BAZ2B: variants seen among roughly 807,000 people sequenced by gnomAD.
BAZ2B encodes the protein bromodomain adjacent to zinc finger domain 2B, also known as bromodomain adjacent to zinc finger domain protein 2B.
Under a neutral mutation model 246.0 loss-of-function variants are expected in BAZ2B, and 91 were observed. The ratio of observed to expected loss-of-function variants is 0.37; its 90% CI spans 0.31 to 0.44. BAZ2B has a LOEUF of 0.44. Among genes scored for constraint, BAZ2B ranks in the 20% least tolerant of loss-of-function variants. BAZ2B has a pLI of 1.00. For missense variants in BAZ2B, 2,332 were observed against 2,533.7 expected, an observed-to-expected ratio of 0.92 and a Z score of 1.71; for synonymous variants, 855 against 860.0, an observed-to-expected ratio of 0.99 and a Z score of 0.10.
intron 34 of BAZ2B, among the ~76,000 whole-genome samples, chr2:159,328,228 T>G (rs77731196): frequency 0.044 from 6,738 of 152,228 alleles, 287 homozygotes; most frequent in East Asian, 0.13. Flanking sequence ...CAAGTTACTC[T>G]GTTACCTGAT....
At chr2:159,567,446 A>C (rs1311438538) in intron 1 of BAZ2B, among the ~76,000 whole-genome samples, 8 of 152,302 alleles carry the variant, frequency 5.3e-5, no homozygotes, top group Non-Finnish European at 1.5e-5. Flanking sequence ...CTGAGACCTA[A>C]GGTAAATCAT....
chr2:159,570,176 T>G (rs1683613258), intron 1 of BAZ2B, among the ~76,000 whole-genome samples: 1 of 101,748 alleles, frequency 9.8e-6, no homozygotes, highest in African/African-American at 4.5e-5. Flanking sequence ...ATTAAAGTTT[T>G]TTTTTGTTTT....
the BAZ2B span, among the ~76,000 whole-genome samples, chr2:159,679,149 G>A: frequency 6.6e-6 from 1 of 151,746 alleles, no homozygotes; most frequent in African/African-American, 2.4e-5. Context: ...GCGGGCGCCT[G>A]TAGTCCCAGC....
the BAZ2B span, among the ~76,000 whole-genome samples, chr2:159,687,707 C>A: frequency 6.6e-6 from 1 of 152,146 alleles, no homozygotes; most frequent in African/African-American, 2.4e-5. Flanking sequence ...TATAATAAAT[C>A]GTTGAACATG....
At chr2:159,573,435 G>C (rs528489487) in intron 1 of BAZ2B, among the ~76,000 whole-genome samples, 1 of 152,118 alleles carries the variant, frequency 6.6e-6, no homozygotes, top group Non-Finnish European at 1.5e-5. Flanking sequence ...TTCAACAAAA[G>C]GTGCTGGAAC....
At chr2:159,434,115 C>G (rs911150885) in intron 8 of BAZ2B, 3 of 151,924 alleles carry the variant, frequency 2.0e-5, no homozygotes, top group African/African-American at 7.3e-5. Flanking sequence ...GTATAGCATT[C>G]GCTCCATTGT....
chr2:159,501,163 T>C (rs1559628995), intron 2 of BAZ2B, among the ~76,000 whole-genome samples: 2 of 105,946 alleles, frequency 1.9e-5, no homozygotes, highest in East Asian at 4.8e-4. Context: ...TATATAAATA[T>C]ATAATATATA....
At chr2:159,367,011 G>C (rs1465802114) in intron 27 of BAZ2B, among the ~76,000 whole-genome samples, 4 of 152,090 alleles carry the variant, frequency 2.6e-5, no homozygotes, top group Admixed American at 2.6e-4. Flanking sequence ...CAGCAAACCT[G>C]CTTAGCCACC....
intron 3 of BAZ2B, chr2:159,461,189 T>A (rs73967879): frequency 0.079 from 12,026 of 152,358 alleles, 655 homozygotes; most frequent in Middle Eastern, 0.16. Flanking sequence ...GTTTTTTTTT[T>A]AAACTGACCT....
At chr2:159,384,007 A>G (rs1010118776) in intron 23 of BAZ2B, among the ~76,000 whole-genome samples, 1 of 152,060 alleles carries the variant, frequency 6.6e-6, no homozygotes, top group Non-Finnish European at 1.5e-5. Context: ...TTAAGATGTG[A>G]TAATTTCCAA....
chr2:159,411,315 A>G (rs999786435), intron 14 of BAZ2B, among the ~76,000 whole-genome samples: 2 of 152,238 alleles, frequency 1.3e-5, no homozygotes, highest in African/African-American at 4.8e-5. Flanking sequence ...TCTTTAAAGC[A>G]TTCTATTCTA....
intron 2 of BAZ2B, among the ~76,000 whole-genome samples, chr2:159,536,541 T>C (rs2086015434): frequency 6.6e-6 from 1 of 152,216 alleles, no homozygotes; most frequent in Non-Finnish European, 1.5e-5. Flanking sequence ...GTTCAATCCC[T>C]GTGTCACACG....
At chr2:159,472,697 G>A (rs1259166530) in intron 3 of BAZ2B, among the ~76,000 whole-genome samples, 2 of 152,126 alleles carry the variant, frequency 1.3e-5, no homozygotes, top group Non-Finnish European at 2.9e-5. Flanking sequence ...AGCATGAAGG[G>A]GTGTTGAATA....
At chr2:159,450,541 A>C (rs1404732353) in intron 4 of BAZ2B, among the ~76,000 whole-genome samples, 1 of 152,182 alleles carries the variant, frequency 6.6e-6, no homozygotes, top group Admixed American at 6.5e-5. Context: ...AACTTTACAA[A>C]TGTCTGATAC....
chr2:159,697,476 G>A, the BAZ2B span, among the ~76,000 whole-genome samples: 1 of 152,062 alleles, frequency 6.6e-6, no homozygotes, highest in East Asian at 1.9e-4. Flanking sequence ...TAATGTAAAA[G>A]TCTTTTATGC....
chr2:159,490,241 A>T (rs1288424068), intron 2 of BAZ2B, among the ~76,000 whole-genome samples: 1 of 152,214 alleles, frequency 6.6e-6, no homozygotes, highest in Non-Finnish European at 1.5e-5. Context: ...AAATATATAG[A>T]TGAAACATGT....
At chr2:159,411,482 T>C (rs960050507) in intron 14 of BAZ2B, among the ~76,000 whole-genome samples, 1 of 152,194 alleles carries the variant, frequency 6.6e-6, no homozygotes, top group Non-Finnish European at 1.5e-5. Context: ...CCATGAGAAG[T>C]AGTAAAATTC....
chr2:159,328,849 C>T (rs925642934), intron 34 of BAZ2B, among the ~76,000 whole-genome samples: 1 of 152,076 alleles, frequency 6.6e-6, no homozygotes, highest in African/African-American at 2.4e-5. Flanking sequence ...AAACAAAGGC[C>T]GGGCACAGTG....
intron 1 of BAZ2B, among the ~76,000 whole-genome samples, chr2:159,581,864 T>A (rs34636299): frequency 6.6e-5 from 9 of 137,006 alleles, no homozygotes; most frequent in African/African-American, 2.0e-4. Context: ...TAGGTGCGAA[T>A]TGAACAATGA....
Sources: gnomAD v4.1 joint callset for allele counts (sites outside exome capture counted in the v4.1 genomes callset) on GRCh38, gnomAD v4.1.1 for gene constraint, MANE v1.5 for transcripts, NCBI Gene and HGNC (gene_info 2026-07-23, HGNC 2026-07-21) for gene names.